The following C2orf42 variants were observed in gnomAD, a reference collection of about 807,000 sequenced individuals.
C2orf42 encodes chromosome 2 open reading frame 42, also known as uncharacterized protein C2orf42.
In C2orf42, 44 loss-of-function variants were observed where a neutral mutation model predicts 58.9. That is an observed-to-expected ratio of 0.75 (90% CI 0.59 to 0.96). The LOEUF (loss-of-function observed/expected upper bound fraction) is 0.96. Ranked by LOEUF, C2orf42 falls within the 40% of genes least tolerant of loss-of-function variation. The pLI is 0.00. For missense variants in C2orf42, 630 were observed against 699.2 expected (o/e 0.90, Z 1.12); for synonymous variants, 239 against 265.4 (o/e 0.90, Z 0.97).
At chr2:70,186,619 C>A (rs1001468190) in intron 1 of C2orf42, among the ~76,000 whole-genome samples, 1 of 152,106 alleles carries the variant, frequency 6.6e-6, no homozygotes, top group Non-Finnish European at 1.5e-5. Context: ...ACCCAAAGGA[C>A]TATAAATCAT....
In C2orf42 at chr2:70,166,613, T is replaced by G. The variant is rs542161677; in HGVS notation, c.1145-978A>C. On this transcript the variant is annotated intron_variant, in intron 6 of 9. Coordinates refer to ENST00000264434, the MANE Select transcript of C2orf42 (RefSeq NM_017880.3). Reference sequence around the variant, plus strand: ...ATCGCTTGAACCCAGGAGGCAGAGGTTGCAGTGAGCCGAGATCATGCCACT... The same window carrying G: ...ATCGCTTGAACCCAGGAGGCAGAGGGTGCAGTGAGCCGAGATCATGCCACT... Among the ~76,000 whole-genome samples the G allele has an allele frequency of 6.0e-5, 9 of 149,566 alleles. No individual in the cohort carries two copies. The East Asian group carries it at 1.8e-3, about 30-fold the overall frequency.
intron 1 of C2orf42, among the ~76,000 whole-genome samples, chr2:70,189,129 C>T (rs995903813): frequency 2.6e-5 from 4 of 152,012 alleles, no homozygotes; most frequent in Admixed American, 6.6e-5. Flanking sequence ...ATGGCATGGC[C>T]GGGCACGGTG....
intron 4 of C2orf42, among the ~76,000 whole-genome samples, chr2:70,176,722 G>A (rs1037739270): frequency 3.3e-5 from 5 of 151,788 alleles, no homozygotes; most frequent in African/African-American, 2.4e-5. Flanking sequence ...TTGAGCTCCC[G>A]GGCTCAAGGG....
chr2:70,158,346 A>C (rs1046954565), intron 9 of C2orf42, among the ~76,000 whole-genome samples: 3 of 152,172 alleles, frequency 2.0e-5, no homozygotes, highest in Non-Finnish European at 4.4e-5. Context: ...GGAGAAACTA[A>C]ATTATAATTA....
At position 70,160,831 on chromosome 2, in the gene C2orf42, T is replaced by C. The variant is rs558480162; in HGVS notation, c.1354-44A>G. On this transcript the variant is annotated intron_variant, in intron 8 of 9. Transcript: ENST00000264434. ...CCAAAAAAAGGTGAGAGAGAAAACTTTCAAAACAGACCAATACCTGGATGA... is the reference window on the plus strand; with the variant it reads ...CCAAAAAAAGGTGAGAGAGAAAACTCTCAAAACAGACCAATACCTGGATGA... 28 of 1,365,022 alleles carry C rather than the reference T, an allele frequency of 2.1e-5. No homozygotes were observed. The East Asian group carries it at 6.4e-4, about 31-fold the overall frequency. The allele number at this position is 1,365,022 out of a possible 1,614,324, so 84.6% of individuals were successfully genotyped here.
intron 8 of C2orf42, among the ~76,000 whole-genome samples, chr2:70,161,491 G>A (rs940582584): frequency 6.6e-6 from 1 of 152,094 alleles, no homozygotes; most frequent in Admixed American, 6.6e-5. Flanking sequence ...AGTTCCTCAA[G>A]TGTTTTTAAT....
chr2:70,158,749 C>T (rs181976928), intron 9 of C2orf42, among the ~76,000 whole-genome samples: 24 of 151,706 alleles, frequency 1.6e-4, no homozygotes, highest in East Asian at 1.2e-3. Context: ...CGCCCGGCCA[C>T]GCCTGGCTAA....
intron 8 of C2orf42, among the ~76,000 whole-genome samples, chr2:70,162,821 T>A (rs1295191855): frequency 6.6e-6 from 1 of 152,062 alleles, no homozygotes; most frequent in Non-Finnish European, 1.5e-5. Context: ...AACAGAAGAA[T>A]GCCTTGCAAT....
chr2:70,186,019 C>A (rs1181873093), intron 1 of C2orf42, among the ~76,000 whole-genome samples: 1 of 149,626 alleles, frequency 6.7e-6, no homozygotes, highest in Non-Finnish European at 1.5e-5. Context: ...AAAAAAGTCT[C>A]CAGATAATGC....
chr2:70,160,581 C>G (rs192357786), intron 9 of C2orf42, 44 bp downstream of exon 9: 75 of 1,442,316 alleles, frequency 5.2e-5, no homozygotes, highest in Admixed American at 1.5e-4. Context: ...GTACTGTTCA[C>G]CAGCTGACAC....
chr2:70,183,167 G>C (rs1674689704), intron 1 of C2orf42, among the ~76,000 whole-genome samples: 1 of 152,122 alleles, frequency 6.6e-6, no homozygotes. Context: ...GTCTGGCATG[G>C]TGGCTCACTC....
At chr2:70,158,740 G>A (rs764901764) in intron 9 of C2orf42, among the ~76,000 whole-genome samples, 1 of 151,422 alleles carries the variant, frequency 6.6e-6, no homozygotes, top group Admixed American at 6.6e-5. Flanking sequence ...GAGTCACCAC[G>A]CCCGGCCACG....
At chr2:70,161,432 T>G (rs1224764757) in intron 8 of C2orf42, among the ~76,000 whole-genome samples, 1 of 152,212 alleles carries the variant, frequency 6.6e-6, no homozygotes, top group Non-Finnish European at 1.5e-5. Context: ...TCCCTAAATG[T>G]CATCCATTCC....
chr2:70,164,966 C>T (rs1673301458), intron 8 of C2orf42, 126 bp downstream of exon 8: 1 of 489,532 alleles, frequency 2.0e-6, no homozygotes, highest in Non-Finnish European at 3.7e-6. Flanking sequence ...TTCTGAATAT[C>T]TCTTAGCATG....
At chr2:70,151,054 A>G (rs1672279920) in intron 9 of C2orf42, among the ~76,000 whole-genome samples, 1 of 152,132 alleles carries the variant, frequency 6.6e-6, no homozygotes, top group Non-Finnish European at 1.5e-5. Context: ...TCATGAAGTT[A>G]AAACATATAT....
intron 8 of C2orf42, among the ~76,000 whole-genome samples, chr2:70,162,647 A>G (rs966627790): frequency 2.7e-5 from 4 of 148,732 alleles, no homozygotes; most frequent in Admixed American, 6.7e-5. Context: ...TGTCTCAAAC[A>G]AAAAAAAAAT....
intron 9 of C2orf42, among the ~76,000 whole-genome samples, chr2:70,152,608 TAC>T (rs1454721044): frequency 3.4e-4 from 52 of 152,298 alleles, no homozygotes; most frequent in Non-Finnish European, 5.7e-4. Flanking sequence ...CCCTGGCTAG[TAC>T]TTGTACAGAG....
Position 70,150,036 on chromosome 2 carries a change from G to T in C2orf42, c.*320C>A, listed in dbSNP as rs530040811. 5.8e-5 allele frequency: 21 copies of T among 359,340 alleles called. No homozygotes were observed. The East Asian group carries it at 9.9e-4, about 17-fold the overall frequency. 22.3% of individuals were successfully genotyped at this position (359,340 alleles called of 1,614,324 possible). On this transcript the variant is annotated 3_prime_UTR_variant, in exon 10 of 10. Coordinates refer to ENST00000264434, the MANE Select transcript of C2orf42 (RefSeq NM_017880.3). ...GGCTGAGTGCTGCAGATTTCTCAGA[G>T]AATTAGCAAAAGGTTGAAATAAACG... is the stretch of plus-strand genomic sequence containing the variant.
chr2:70,169,624 TAA>T lies in C2orf42; in HGVS notation c.1075_1076del (p.Leu359IlefsTer22). 1 of 1,610,546 alleles carries T rather than the reference TAA, an allele frequency of 6.2e-7. No individual in the cohort carries two copies. Among genetic ancestry groups the T allele is most frequent in the Non-Finnish European group, 8.5e-7 (1 of 1,176,922 alleles). On this transcript the variant is annotated frameshift_variant, in exon 6 of 10. Coordinates refer to ENST00000264434, the MANE Select transcript of C2orf42 (RefSeq NM_017880.3). LOFTEE classifies it high-confidence loss of function. The part of the protein sequence containing the change: ...GQLLDEAQVT[L>X]SFQDWLASVT... ...CACTGGCCAGCCAGTCTTGGAAGGATAAAGTCACTTGTGCCTCATCTAACAGC... is the reference window on the plus strand; with the variant it reads ...CACTGGCCAGCCAGTCTTGGAAGGATAGTCACTTGTGCCTCATCTAACAGC...
Sources: gnomAD v4.1 joint callset for allele counts (sites outside exome capture counted in the v4.1 genomes callset) on GRCh38, gnomAD v4.1.1 for gene constraint, MANE v1.5 for transcripts, NCBI Gene and HGNC (gene_info 2026-07-23, HGNC 2026-07-21) for gene names.